RAD54L: variants seen among roughly 807,000 people sequenced by gnomAD.
The protein encoded by RAD54L is RAD54 like, also known as DNA repair and recombination protein RAD54-like.
In RAD54L, 74 loss-of-function variants were observed where a neutral mutation model predicts 91.6. The observed-to-expected ratio is 0.81, with a 90% confidence interval of 0.67 to 0.98. The LOEUF is 0.98. Ranked by LOEUF, RAD54L falls within the 50% of genes least tolerant of loss-of-function variation. RAD54L has a pLI of 0.00. For synonymous variants in RAD54L, 304 were observed against 349.7 expected (o/e 0.87, Z 1.46); for missense variants, 887 against 945.7 (o/e 0.94, Z 0.81).
intron 12 of RAD54L, 35 bp downstream of exon 12, chr1:46,272,837 G>A (rs764766589): frequency 6.2e-7 from 1 of 1,613,452 alleles, no homozygotes. Context: ...TCCTCTGTGA[G>A]AGTGAGCAAG....
intron 3 of RAD54L, among the ~76,000 whole-genome samples, chr1:46,255,839 C>T (rs561219852): frequency 6.6e-6 from 1 of 151,998 alleles, no homozygotes; most frequent in African/African-American, 2.4e-5. Context: ...ACATTTTTGG[C>T]CAGGGGTCTC....
rs986308537 is a variant in RAD54L, at chr1:46,263,053, G to T, written c.891+1668G>T. 1.3e-5 allele frequency among the ~76,000 whole-genome samples: 2 copies of T among 152,100 alleles called. No individual in the cohort carries two copies. Among genetic ancestry groups the T allele is most frequent in the African/African-American group, 4.8e-5 (2 of 41,422 alleles). The stretch of plus-strand genomic sequence containing the variant: ...TATCGCAGTGCCTGGTATGTCATAA[G>T]GCCTTGGCAAACGTAAGCTCTTGGT... On this transcript the variant is annotated intron_variant, in intron 8 of 17. Coordinates refer to ENST00000371975, the MANE Select transcript of RAD54L (RefSeq NM_003579.4). This position sits in a 1 kb window ranked among gnomAD's most constrained non-coding sequence, Gnocchi z 4.3.
chr1:46,260,719 T>C lies in RAD54L; in HGVS notation c.478-8T>C. The C allele has an allele frequency of 6.2e-7, 1 of 1,614,232 alleles. No homozygotes were observed. Among genetic ancestry groups the C allele is most frequent in the Non-Finnish European group, 8.5e-7 (1 of 1,180,042 alleles). On this transcript the variant is annotated splice_polypyrimidine_tract_variant and splice_region_variant and intron_variant, in intron 6 of 17. Coordinates refer to ENST00000371975, the MANE Select transcript of RAD54L (RefSeq NM_003579.4). The stretch of plus-strand genomic sequence containing the variant: ...TGCCAAAGTGGACTGAAGGCTGTTA[T>C]TCTCTAGGGAGTGAAATTCCTGTGG...
At position 46,260,206 on chromosome 1, in the gene RAD54L, GT is replaced by G. The variant is rs1390322818; in HGVS notation, c.407+111del. On this transcript the variant is annotated intron_variant, in intron 5 of 17. Transcript: ENST00000371975. Reference sequence around the variant, plus strand: ...TGATTTCTTTTTAGGATTGACATATGTTTTCAGAGAGTAGATGATTGGGGAA... The same window carrying G: ...TGATTTCTTTTTAGGATTGACATATGTTTCAGAGAGTAGATGATTGGGGAA... 2.6e-6 allele frequency: 4 copies of G among 1,522,704 alleles called. No individual in the cohort carries two copies. The African/African-American group carries it at 5.5e-5, about 21-fold the overall frequency. 94.3% of individuals were successfully genotyped at this position (1,522,704 alleles called of 1,614,324 possible). A position where few individuals can be genotyped will look rare whatever the true frequency, so the allele number is the denominator to read the frequency against.
chr1:46,267,921 G>T (rs1432304953), intron 9 of RAD54L, among the ~76,000 whole-genome samples: 1 of 152,166 alleles, frequency 6.6e-6, no homozygotes. Flanking sequence ...TCCCTTAGAA[G>T]AGTTTTGGCC....
At position 46,272,471 on chromosome 1, in the gene RAD54L, T is replaced by C. The variant is rs747584738; in HGVS notation, c.1175T>C (p.Leu392Pro). ...TTTTATCCTGTTTTCTCTAGATGCC[T>C]GATACGGAGGACTTCTGATATCCTT... is the stretch of plus-strand genomic sequence containing the variant. The part of the protein sequence containing the change: ...RELTSIVNRC[L>P]IRRTSDILSK... Residue 392 changes from leucine (L) to proline (P), a missense_variant, in exon 11 of 18, where the codon CTG (leucine) becomes CCG (proline). Physicochemically the swap from Leu to Pro is moderately conservative, Grantham distance 98. Transcript: ENST00000371975. The C allele has an allele frequency of 1.2e-6, 2 of 1,609,372 alleles. No homozygotes were observed. Among genetic ancestry groups the C allele is most frequent in the East Asian group, 2.2e-5 (1 of 44,852 alleles).
intron 16 of RAD54L, among the ~76,000 whole-genome samples, chr1:46,276,171 CTTCT>C (rs1206253829): frequency 6.6e-6 from 1 of 151,450 alleles, no homozygotes; most frequent in Non-Finnish European, 1.5e-5. Flanking sequence ...ATTCCCCTTC[CTTCT>C]GATTGATTAA....
intron 10 of RAD54L, among the ~76,000 whole-genome samples, chr1:46,271,813 A>G (rs1467313570): frequency 6.6e-6 from 1 of 152,094 alleles, no homozygotes; most frequent in Non-Finnish European, 1.5e-5. Context: ...GGACAAATGC[A>G]AGCAGAAACT....
At chr1:46,256,046 GTCCA>G (rs1200586770) in intron 3 of RAD54L, among the ~76,000 whole-genome samples, 1 of 151,864 alleles carries the variant, frequency 6.6e-6, no homozygotes, top group Non-Finnish European at 1.5e-5. Flanking sequence ...GAAAATTAGG[GTCCA>G]TCTCCTTTTC....
chr1:46,262,762 A>AT (rs1660167206), intron 8 of RAD54L, among the ~76,000 whole-genome samples: 1 of 151,992 alleles, frequency 6.6e-6, no homozygotes, highest in Admixed American at 6.6e-5. Context: ...AAGGAAAGAC[A>AT]TTTTTTTGCT....
At chr1:46,268,113 C>T (rs911811288) in intron 9 of RAD54L, among the ~76,000 whole-genome samples, 5 of 152,104 alleles carry the variant, frequency 3.3e-5, no homozygotes, top group Admixed American at 2.0e-4. Context: ...CCTCTACCCT[C>T]CCCTCCCAGT....
intron 3 of RAD54L, among the ~76,000 whole-genome samples, chr1:46,251,560 C>T (rs543944040): frequency 6.6e-6 from 1 of 151,788 alleles, no homozygotes; most frequent in South Asian, 2.1e-4. Context: ...AGAGTGAGAC[C>T]ACCTCAAAAA....
chr1:46,260,617 T>C lies in RAD54L; in HGVS notation c.477+6T>C, dbSNP rs199693607. On this transcript the variant is annotated splice_donor_region_variant and intron_variant, in intron 6 of 17. Transcript: ENST00000371975. Reference sequence around the variant, plus strand: ...TGCGGCCTCATCAGAGAGAGGTAAATGAGGGTGAGGGGAACGAGGTATGGG... The same window carrying C: ...TGCGGCCTCATCAGAGAGAGGTAAACGAGGGTGAGGGGAACGAGGTATGGG... 31 of 1,613,794 alleles carry C rather than the reference T, an allele frequency of 1.9e-5. No homozygotes were observed. In the East Asian group the frequency reaches 5.3e-4, roughly 28 times the overall value.
Position 46,274,123 on chromosome 1 carries a change from C to T in RAD54L, c.1611-15C>T, listed in dbSNP as rs569306431. 11 of 1,605,528 alleles carry T rather than the reference C, an allele frequency of 6.9e-6. No homozygotes were observed. The East Asian group carries it at 8.9e-5, about 13-fold the overall frequency. On this transcript the variant is annotated splice_polypyrimidine_tract_variant and intron_variant, in intron 14 of 17. Coordinates refer to ENST00000371975, the MANE Select transcript of RAD54L (RefSeq NM_003579.4). ...ATTGAAGCTTTATTTTCTTGGGTCTCGAATCCCCCTTCAGGTACTTATACG... is the reference window on the plus strand; with the variant it reads ...ATTGAAGCTTTATTTTCTTGGGTCTTGAATCCCCCTTCAGGTACTTATACG...
rs971916104 is a variant in RAD54L, at chr1:46,277,718, C to T, written c.1870-99C>T. 66 of 1,343,764 alleles carry T rather than the reference C, an allele frequency of 4.9e-5. No homozygotes were observed. In the East Asian group the frequency reaches 7.6e-4, roughly 15 times the overall value. 83.2% of individuals were successfully genotyped at this position (1,343,764 alleles called of 1,614,324 possible). A position where few individuals can be genotyped will look rare whatever the true frequency, so the allele number is the denominator to read the frequency against. On this transcript the variant is annotated intron_variant, in intron 16 of 17. Coordinates refer to ENST00000371975, the MANE Select transcript of RAD54L (RefSeq NM_003579.4). ...ATACTTTTTATTCATCTCCTCTTCT[C>T]GGGTAGCTGTAGTTTCAACCCTTTG...
intron 3 of RAD54L, among the ~76,000 whole-genome samples, chr1:46,257,762 G>A (rs1218033450): frequency 1.3e-5 from 2 of 152,162 alleles, no homozygotes. Flanking sequence ...GGTCTGGGCT[G>A]ATCTGCATGG....
intron 3 of RAD54L, among the ~76,000 whole-genome samples, chr1:46,254,138 C>T (rs1316881439): frequency 1.3e-5 from 2 of 151,966 alleles, no homozygotes; most frequent in African/African-American, 4.8e-5. Context: ...CCATACCTGG[C>T]ACATTTTTGT....
rs995663660 is a variant in RAD54L, at chr1:46,274,193, G to C, written c.1666G>C (p.Val556Leu). 1.9e-5 allele frequency: 30 copies of C among 1,613,446 alleles called. No homozygotes were observed. The highest frequency in any genetic ancestry group is 2.5e-5 in the Non-Finnish European group (29 of 1,179,530). The change falls in exon 15 of 18, where the codon GTA (valine) becomes CTA (leucine). Residue 556 changes from valine to leucine, a missense_variant. By Grantham distance (32) the Val-to-Leu change is conservative. Transcript: ENST00000371975. Reference sequence around the variant, plus strand: ...GTCCATTAAGAAGCGAGCCAAGGTTGTAGAACGCTTCAATAGTCCATCGGT... The same window carrying C: ...GTCCATTAAGAAGCGAGCCAAGGTTCTAGAACGCTTCAATAGTCCATCGGT... The part of the protein sequence containing the change: ...TMSIKKRAKV[V>L]ERFNSPSSPD...
chr1:46,261,469 A>G (rs562064083), intron 8 of RAD54L, 84 bp downstream of exon 8: 2 of 1,538,882 alleles, frequency 1.3e-6, no homozygotes, highest in South Asian at 1.1e-5. Context: ...GGGCTGTGCT[A>G]GTCACTGGGG....
Sources: allele counts gnomAD v4.1 joint callset (sites outside exome capture counted in the v4.1 genomes callset), GRCh38; gene constraint gnomAD v4.1.1; non-coding constraint Gnocchi (gnomAD v3.1); transcripts MANE v1.5; gene names NCBI Gene and HGNC (gene_info 2026-07-23, HGNC 2026-07-21).